The following RNF144B variants were observed in gnomAD, a reference collection of about 807,000 sequenced individuals.
RNF144B encodes E3 ubiquitin-protein ligase RNF144B.
In RNF144B, 25 loss-of-function variants were observed where a neutral mutation model predicts 40.2. The observed-to-expected ratio is 0.62, with a 90% CI of 0.45 to 0.87. The LOEUF (loss-of-function observed/expected upper bound fraction) is 0.87. Among genes scored for constraint, RNF144B ranks in the 40% least tolerant of loss-of-function variants. The pLI, the probability that RNF144B is intolerant of heterozygous loss-of-function variation, is 0.00. For synonymous variants in RNF144B, 145 were observed against 136.3 expected, an observed-to-expected ratio of 1.06 and a Z score of -0.44; for missense variants, 365 against 373.7, an observed-to-expected ratio of 0.98 and a Z score of 0.19.
chr6:18,449,439 A>G (rs1392571868), intron 4 of RNF144B, among the ~76,000 whole-genome samples: 1 of 152,182 alleles, frequency 6.6e-6, no homozygotes, highest in Non-Finnish European at 1.5e-5. Context: ...AGGTTTTAAC[A>G]TTTTTATTTC....
In RNF144B at chr6:18,457,212, G is replaced by A; in HGVS notation, c.389G>A (p.Cys130Tyr). 1 of 1,614,114 alleles carries A rather than the reference G, an allele frequency of 6.2e-7. No homozygotes were observed. Among genetic ancestry groups the A allele is most frequent in the East Asian group, 2.2e-5 (1 of 44,866 alleles). ...CCTGTTGCAGACTGTCAGACAGTGT[G>A]CCCTGTTGCCTCGAGTGACCCAGGA... ...WCPVADCQTV[C>Y]PVASSDPGQP... The change falls in exon 5 of 8, where the codon TGC (cysteine) becomes TAC (tyrosine). Residue 130 changes from cysteine (C) to tyrosine (Y), a missense_variant. Coordinates refer to ENST00000259939, the MANE Select transcript of RNF144B (RefSeq NM_182757.4). The surrounding 1 kb of genome is among the most constrained non-coding windows in gnomAD (Gnocchi z 5.1).
chr6:18,431,309 G>A (rs971486141), intron 3 of RNF144B, among the ~76,000 whole-genome samples: 1 of 152,132 alleles, frequency 6.6e-6, no homozygotes, highest in African/African-American at 2.4e-5. Flanking sequence ...AAAATACGTG[G>A]TAGTGGTAAT....
At chr6:18,387,755 C>T (rs183052834) in intron 1 of RNF144B, 125 bp downstream of exon 1, 2 of 657,200 alleles carry the variant, frequency 3.0e-6, no homozygotes, top group Non-Finnish European at 4.5e-6. Flanking sequence ...GTCTCTAGTG[C>T]TCAAACCATA....
Position 18,387,404 on chromosome 6 carries a change from A to G in RNF144B, c.-263A>G. ...GTCCCGGGCATCGCAGCTGCCAGTCAAGGCTAGGAGGCGGTCGGGGACTCC... is the reference window on the plus strand; with the variant it reads ...GTCCCGGGCATCGCAGCTGCCAGTCGAGGCTAGGAGGCGGTCGGGGACTCC... On this transcript the variant is annotated 5_prime_UTR_variant, in exon 1 of 8. Coordinates refer to ENST00000259939, the MANE Select transcript of RNF144B (RefSeq NM_182757.4). 2 of 1,159,502 alleles carry G rather than the reference A, an allele frequency of 1.7e-6. No homozygotes were observed. Among genetic ancestry groups the G allele is most frequent in the Non-Finnish European group, 2.2e-6 (2 of 923,268 alleles). The allele number at this position is 1,159,502 out of a possible 1,614,324, so 71.8% of individuals were successfully genotyped here.
chr6:18,392,008 G>A (rs1405089406), intron 1 of RNF144B, among the ~76,000 whole-genome samples: 1 of 138,028 alleles, frequency 7.2e-6, no homozygotes, highest in Non-Finnish European at 1.5e-5. Context: ...GACCATCCTG[G>A]CTAACATGGT....
chr6:18,399,838 C>T, intron 2 of RNF144B, 139 bp downstream of exon 2: 1 of 662,316 alleles, frequency 1.5e-6, no homozygotes, highest in Non-Finnish European at 2.5e-6. Context: ...CATATTTGAA[C>T]CTATTTCCAA....
rs1396735880 is a variant in RNF144B at position 18,465,335 on chromosome 6, C to CATCCAAAGG, written c.*272_*280dup. ...GAGATGAATGAACATATCATTTTAT[C>CATCCAAAGG]ATCCAAAGGATCTCACTGGACTGTT... On this transcript the variant is annotated 3_prime_UTR_variant, in exon 8 of 8. Transcript: ENST00000259939. 4.2e-6 allele frequency: 2 copies of CATCCAAAGG among 470,920 alleles called. No individual in the cohort carries two copies. The highest frequency in any genetic ancestry group is 7.6e-6 in the Non-Finnish European group (2 of 262,878). The allele number at this position is 470,920 out of a possible 1,614,324, so 29.2% of individuals were successfully genotyped here.
At position 18,405,475 on chromosome 6, in the gene RNF144B, G is replaced by A. The variant is rs762155252; in HGVS notation, c.165+5776G>A. On this transcript the variant is annotated intron_variant, in intron 2 of 7. Transcript: ENST00000259939. This position sits in a 1 kb window ranked among gnomAD's most constrained non-coding sequence, Gnocchi z 4.5. ...TAGGCGTGAGCCACCGTGCCCAGCC[G>A]CAAGGTTAGTTTTATGCTTTCCCTT... 8.6e-5 allele frequency among the ~76,000 whole-genome samples: 13 copies of A among 151,980 alleles called. No individual in the cohort carries two copies. Among genetic ancestry groups the A allele is most frequent in the East Asian group, 1.9e-4 (1 of 5,174 alleles).
chr6:18,409,088 T>A (rs762795186), intron 2 of RNF144B, among the ~76,000 whole-genome samples: 1 of 151,982 alleles, frequency 6.6e-6, no homozygotes, highest in Non-Finnish European at 1.5e-5. Flanking sequence ...TTTACACAAT[T>A]CTATAGAAAC....
In RNF144B at chr6:18,448,688, G is replaced by GCGCACA. The variant is rs1554181694; in HGVS notation, c.332-8466_332-8465insGCACAC. ...TCCATTTTATTTTGAAAGCCAGCAT[G>GCGCACA]CACACACACACACACACACACACAC... On this transcript the variant is annotated intron_variant, in intron 4 of 7. Transcript: ENST00000259939. The surrounding 1 kb of genome is among the most constrained non-coding windows in gnomAD (Gnocchi z 4.0). Among the ~76,000 whole-genome samples, 5 of 144,522 alleles carry GCGCACA rather than the reference G, an allele frequency of 3.5e-5. No individual in the cohort carries two copies. Among genetic ancestry groups the GCGCACA allele is most frequent in the East Asian group, 4.0e-4 (2 of 4,986 alleles). 94.8% of individuals were successfully genotyped at this position (144,522 alleles called of 152,430 possible).
At chr6:18,423,492 T>C (rs147590099) in intron 2 of RNF144B, among the ~76,000 whole-genome samples, 22 of 152,328 alleles carry the variant, frequency 1.4e-4, no homozygotes, top group African/African-American at 5.3e-4. Context: ...AGTAGCTTTG[T>C]CTTAACACTG....
chr6:18,426,785 A>G (rs1214555800), intron 2 of RNF144B, among the ~76,000 whole-genome samples: 2 of 137,696 alleles, frequency 1.5e-5, no homozygotes, highest in Non-Finnish European at 3.2e-5. Flanking sequence ...CATTTTTTCT[A>G]TTCAATGTCT....
chr6:18,407,319 C>T (rs1320091719), intron 2 of RNF144B, among the ~76,000 whole-genome samples: 1 of 152,156 alleles, frequency 6.6e-6, no homozygotes, highest in African/African-American at 2.4e-5. Context: ...ATGATAGTGG[C>T]CTGGACCAGC....
intron 6 of RNF144B, among the ~76,000 whole-genome samples, chr6:18,462,200 A>C (rs1472901576): frequency 6.6e-6 from 1 of 152,148 alleles, no homozygotes; most frequent in African/African-American, 2.4e-5. Context: ...ACCTCTTGCT[A>C]CTGACATTAC....
chr6:18,399,361 G>A (rs1364059610), intron 1 of RNF144B, 138 bp from the exon 2 acceptor site: 14 of 619,504 alleles, frequency 2.3e-5, no homozygotes, highest in Non-Finnish European at 3.3e-5. Flanking sequence ...TCTCTAGCCC[G>A]TCGTTCCCAG....
chr6:18,439,668 A>G lies in RNF144B; in HGVS notation c.271-16A>G, dbSNP rs1281644744. ...ATGATGACTGAAGTCTCAACCTTTT[A>G]TGTCTCTGGTTTCAGATTGCCTGTT... On this transcript the variant is annotated splice_polypyrimidine_tract_variant and intron_variant, in intron 3 of 7. Transcript: ENST00000259939. The G allele has an allele frequency of 1.2e-6, 2 of 1,603,286 alleles. No individual in the cohort carries two copies. The highest frequency in any genetic ancestry group is 1.1e-5 in the South Asian group (1 of 90,816).
rs1442697635 is a variant in RNF144B at position 18,395,598 on chromosome 6, G to A, written c.-36-3901G>A. Among the ~76,000 whole-genome samples, 1 of 150,856 alleles carries A rather than the reference G, an allele frequency of 6.6e-6. No individual in the cohort carries two copies. Among genetic ancestry groups the A allele is most frequent in the Middle Eastern group, 3.2e-3 (1 of 316 alleles). On this transcript the variant is annotated intron_variant, in intron 1 of 7. Coordinates refer to ENST00000259939, the MANE Select transcript of RNF144B (RefSeq NM_182757.4). The surrounding 1 kb of genome is among the most constrained non-coding windows in gnomAD (Gnocchi z 4.5). ...ATATTCTTTTTTTTTTTTAAATGAAGTGCTCACTGCATTTCATTCATTTTT... is the reference window on the plus strand; with the variant it reads ...ATATTCTTTTTTTTTTTTAAATGAAATGCTCACTGCATTTCATTCATTTTT...
Position 18,395,090 on chromosome 6 carries a change from C to T in RNF144B, c.-36-4409C>T, listed in dbSNP as rs764023882. Among the ~76,000 whole-genome samples the T allele has an allele frequency of 6.6e-6, 1 of 152,154 alleles. No individual in the cohort carries two copies. The highest frequency in any genetic ancestry group is 2.1e-4 in the South Asian group (1 of 4,830). ...CTTTTCACAAGGGGTTCTTGACACT[C>T]GGTGAGAGGCACAGTCACATCTATA... On this transcript the variant is annotated intron_variant, in intron 1 of 7. Coordinates refer to ENST00000259939, the MANE Select transcript of RNF144B (RefSeq NM_182757.4). The surrounding 1 kb of genome is among the most constrained non-coding windows in gnomAD (Gnocchi z 4.5).
Position 18,406,354 on chromosome 6 carries a change from G to T in RNF144B, c.165+6655G>T, listed in dbSNP as rs1250992926. On this transcript the variant is annotated intron_variant, in intron 2 of 7. Coordinates refer to ENST00000259939, the MANE Select transcript of RNF144B (RefSeq NM_182757.4). The surrounding 1 kb of genome is among the most constrained non-coding windows in gnomAD (Gnocchi z 4.2). ...TGGGGAACAAGCCATACAGATATCTGGGAGAAGAGGGTTGTAGGCAGAGGG... is the reference window on the plus strand; with the variant it reads ...TGGGGAACAAGCCATACAGATATCTTGGAGAAGAGGGTTGTAGGCAGAGGG... Among the ~76,000 whole-genome samples, 1 of 152,032 alleles carries T rather than the reference G, an allele frequency of 6.6e-6. No homozygotes were observed. Among genetic ancestry groups the T allele is most frequent in the Admixed American group, 6.6e-5 (1 of 15,266 alleles).
Sources: gnomAD v4.1 joint callset for allele counts (sites outside exome capture counted in the v4.1 genomes callset) on GRCh38, gnomAD v4.1.1 for gene constraint, Gnocchi (gnomAD v3.1) non-coding constraint, MANE v1.5 for transcripts, NCBI Gene and HGNC (gene_info 2026-07-23, HGNC 2026-07-21) for gene names.